Variants in PLA2R1 observed in about 807,000 individuals in gnomAD.
PLA2R1 encodes the protein phospholipase A2 receptor 1.
In PLA2R1, 158 loss-of-function variants were observed where a neutral mutation model predicts 195.9. That is an observed-to-expected ratio of 0.81 (90% CI 0.71 to 0.92). PLA2R1 has a LOEUF of 0.92. Among genes scored for constraint, PLA2R1 ranks in the 40% least tolerant of loss-of-function variants. The pLI, the probability that PLA2R1 is intolerant of heterozygous loss-of-function variation, is 0.00. For missense variants in PLA2R1, 1,626 were observed against 1,764.6 expected (o/e 0.92, Z 1.41); for synonymous variants, 586 against 598.2 (o/e 0.98, Z 0.30).
intron 6 of PLA2R1, among the ~76,000 whole-genome samples, chr2:160,023,405 A>T (rs1451609102): frequency 1.3e-5 from 2 of 152,202 alleles, no homozygotes; most frequent in African/African-American, 2.4e-5. Flanking sequence ...TGCTAATTAT[A>T]ATGTATTAGC....
chr2:160,021,193 C>G (rs1045277194), intron 7 of PLA2R1, among the ~76,000 whole-genome samples: 3 of 151,776 alleles, frequency 2.0e-5, no homozygotes, highest in Middle Eastern at 3.2e-3. Flanking sequence ...TAAATTAGTA[C>G]AACATTTATG....
chr2:160,002,197 T>C (rs2105379808), intron 11 of PLA2R1, among the ~76,000 whole-genome samples: 1 of 151,942 alleles, frequency 6.6e-6, no homozygotes, highest in South Asian at 2.1e-4. Flanking sequence ...ATCTTCTAAA[T>C]AATTTATGGG....
At chr2:160,038,132 C>G (rs1413068932) in intron 3 of PLA2R1, among the ~76,000 whole-genome samples, 1 of 152,174 alleles carries the variant, frequency 6.6e-6, no homozygotes, top group African/African-American at 2.4e-5. Flanking sequence ...ATAGACAATT[C>G]TTTTGCGAAT....
chr2:160,035,224 T>C (rs1397794379), intron 3 of PLA2R1, among the ~76,000 whole-genome samples: 1 of 152,210 alleles, frequency 6.6e-6, no homozygotes, highest in East Asian at 1.9e-4. Flanking sequence ...CTTTCTCTGC[T>C]TCTCTAGGAT....
At chr2:159,979,692 T>C in intron 14 of PLA2R1, 138 bp downstream of exon 14, 1 of 555,620 alleles carries the variant, frequency 1.8e-6, no homozygotes, top group Non-Finnish European at 3.3e-6. Flanking sequence ...CAAATAATTC[T>C]CCTGGTACTA....
At chr2:159,959,699 A>G (rs1198804756) in intron 20 of PLA2R1, among the ~76,000 whole-genome samples, 3 of 152,152 alleles carry the variant, frequency 2.0e-5, no homozygotes, top group Non-Finnish European at 4.4e-5. Flanking sequence ...GTTCCTACTC[A>G]CAATGAATGG....
intron 11 of PLA2R1, among the ~76,000 whole-genome samples, chr2:159,996,289 T>A (rs1282316523): frequency 1.3e-5 from 2 of 152,070 alleles, no homozygotes; most frequent in Non-Finnish European, 2.9e-5. Context: ...CCTTCATTTT[T>A]AAAGGATACT....
At chr2:160,006,393 G>C (rs1318549432) in intron 10 of PLA2R1, among the ~76,000 whole-genome samples, 5 of 152,214 alleles carry the variant, frequency 3.3e-5, no homozygotes, top group Admixed American at 2.0e-4. Flanking sequence ...TTATTCAAAT[G>C]TGTTTAAATC....
At chr2:159,925,899 GA>G in the PLA2R1 span, among the ~76,000 whole-genome samples, 1 of 152,146 alleles carries the variant, frequency 6.6e-6, no homozygotes, top group African/African-American at 2.4e-5. Context: ...TTGTGTACAT[GA>G]AACACTGACA....
chr2:159,999,970 C>T (rs142485831), intron 11 of PLA2R1, among the ~76,000 whole-genome samples: 1 of 152,250 alleles, frequency 6.6e-6, no homozygotes, highest in East Asian at 1.9e-4. Flanking sequence ...AAATGTATGG[C>T]TGAGCTGGCA....
chr2:160,047,878 T>C (rs1020579292), intron 1 of PLA2R1, among the ~76,000 whole-genome samples: 3 of 152,138 alleles, frequency 2.0e-5, no homozygotes, highest in African/African-American at 7.2e-5. Flanking sequence ...CAGGCTGGAG[T>C]GCAGTGGCAC....
At chr2:159,963,123 GA>G (rs1286650942) in intron 20 of PLA2R1, among the ~76,000 whole-genome samples, 1 of 152,198 alleles carries the variant, frequency 6.6e-6, no homozygotes, top group Non-Finnish European at 1.5e-5. Flanking sequence ...ATCTGTACCA[GA>G]AATGTGATTT....
intron 3 of PLA2R1, among the ~76,000 whole-genome samples, chr2:160,040,926 T>C (rs780319685): frequency 2.6e-5 from 4 of 152,236 alleles, no homozygotes; most frequent in Non-Finnish European, 5.9e-5. Flanking sequence ...GAATGCCTCA[T>C]CTAATTGAAT....
intron 28 of PLA2R1, among the ~76,000 whole-genome samples, chr2:159,943,008 G>A (rs1687174844): frequency 7.0e-6 from 1 of 142,812 alleles, no homozygotes. Context: ...GTCTCACTCT[G>A]TTGCCCGGGC....
At chr2:159,947,061 AG>A (rs1381313327) in intron 26 of PLA2R1, 144 bp from the exon 27 acceptor site, 2 of 612,382 alleles carry the variant, frequency 3.3e-6, no homozygotes, top group African/African-American at 2.0e-5. Flanking sequence ...AAATTAAAAA[AG>A]TAAAACCACA....
At chr2:160,014,251 T>TAA (rs1335902448) in intron 9 of PLA2R1, among the ~76,000 whole-genome samples, 2 of 84,070 alleles carry the variant, frequency 2.4e-5, no homozygotes, top group East Asian at 6.7e-4. Flanking sequence ...TTTTTTTTTG[T>TAA]AAAGATTATT....
At chr2:160,019,012 T>G (rs903031055) in intron 8 of PLA2R1, among the ~76,000 whole-genome samples, 1 of 152,210 alleles carries the variant, frequency 6.6e-6, no homozygotes, top group African/African-American at 2.4e-5. Context: ...AGCCAGTGTA[T>G]TCAGCAGCTA....
chr2:159,969,262 T>C lies in PLA2R1; in HGVS notation c.2758A>G (p.Ile920Val), dbSNP rs779259387. ...QSQRCGFISSITGLWGSEECS... is the reference protein window; with the variant it reads ...QSQRCGFISSVTGLWGSEECS... ...AATGGGTAAGTAAAATAACCTGTTA[T>C]AGAAGAAATAAAGCCACATCTCTGG... Residue 920 changes from isoleucine (I) to valine (V), a missense_variant, in exon 19 of 30, where the codon ATA becomes GTA. Ile to Val is a conservative substitution (Grantham distance 29, BLOSUM62 3). Coordinates refer to ENST00000283243, the MANE Select transcript of PLA2R1 (RefSeq NM_007366.5). 2.6e-6 allele frequency: 4 copies of C among 1,567,624 alleles called. No homozygotes were observed. Among genetic ancestry groups the C allele is most frequent in the Middle Eastern group, 1.7e-4 (1 of 5,988 alleles).
chr2:160,001,371 C>T (rs80109331), intron 11 of PLA2R1, among the ~76,000 whole-genome samples: 2,388 of 151,576 alleles, frequency 0.016, 67 homozygotes, highest in African/African-American at 0.055. Flanking sequence ...AAGATACATT[C>T]AAAAGATGGC....
Sources: allele counts gnomAD v4.1 joint callset (sites outside exome capture counted in the v4.1 genomes callset), GRCh38; gene constraint gnomAD v4.1.1; transcripts MANE v1.5; gene names NCBI Gene and HGNC (gene_info 2026-07-23, HGNC 2026-07-21).